The following POMT1 variants were observed in gnomAD, a reference collection of about 807,000 sequenced individuals.
POMT1 encodes the protein protein O-mannosyl-transferase 1.
A neutral mutation model predicts 101.6 loss-of-function variants in POMT1; 85 were observed. The observed-to-expected ratio is 0.84, with a 90% CI of 0.70 to 1.00. POMT1 has a LOEUF of 1.00. Ranked by LOEUF, POMT1 falls within the 50% of genes least tolerant of loss-of-function variation. The pLI, the probability that POMT1 is intolerant of heterozygous loss-of-function variation, is 0.00. For missense variants in POMT1, 857 were observed against 930.4 expected (o/e 0.92, Z 1.03); for synonymous variants, 371 against 383.0 (o/e 0.97, Z 0.37).
Position 131,519,365 on chromosome 9 carries a change from TTA to T in POMT1, c.1487-22_1487-21del. ...CTTGACCTTGTGCTACTTCTATCTGTTATGCCCTTGTCTGTTCTGCCAGGCCA... is the reference window on the plus strand; with the variant it reads ...CTTGACCTTGTGCTACTTCTATCTGTTGCCCTTGTCTGTTCTGCCAGGCCA... On this transcript the variant is annotated intron_variant, in intron 15 of 19. Transcript: ENST00000402686. The surrounding 1 kb of genome is among the most constrained non-coding windows in gnomAD (Gnocchi z 4.3). 6.5e-7 allele frequency: 1 copy of T among 1,549,418 alleles called. No homozygotes were observed. The highest frequency in any genetic ancestry group is 2.4e-5 in the East Asian group (1 of 40,932).
intron 8 of POMT1, 46 bp from the exon 9 acceptor site, chr9:131,510,214 G>A (rs777476782): frequency 8.1e-6 from 13 of 1,613,486 alleles, no homozygotes; most frequent in South Asian, 7.7e-5. Context: ...AGGTGGGTAC[G>A]CTTTTCCACG....
In POMT1 at chr9:131,507,512, T is replaced by C. The variant is rs746950128; in HGVS notation, c.425T>C (p.Ile142Thr). 209 of 1,614,004 alleles carry C rather than the reference T, an allele frequency of 1.3e-4. No homozygotes were observed. The highest frequency in any genetic ancestry group is 1.7e-4 in the Non-Finnish European group (205 of 1,180,032). ...AAMGAALLML[I>T]ENALITQSRL... ...ATGGGAGCTGCTCTGTTGATGCTTA[T>C]CGGTAAGACCTGCGCCCCTGCCTGC... is the stretch of plus-strand genomic sequence containing the variant. The change falls in exon 5 of 20, where the codon ATC becomes ACC. Residue 142 changes from isoleucine (I) to threonine (T), a missense_variant and splice_region_variant. Coordinates refer to ENST00000402686, the MANE Select transcript of POMT1 (RefSeq NM_001077365.2).
intron 11 of POMT1, 41 bp downstream of exon 11, chr9:131,512,177 C>T: frequency 1.2e-6 from 2 of 1,606,582 alleles, no homozygotes; most frequent in Middle Eastern, 1.7e-4. Context: ...AGCTCACCTC[C>T]TGGCCTGGCC....
Position 131,523,787 on chromosome 9 carries a change from G to A in POMT1, c.*681G>A, listed in dbSNP as rs913615325. The A allele has an allele frequency of 6.5e-6, 1 of 153,088 alleles. No individual in the cohort carries two copies. Among genetic ancestry groups the A allele is most frequent in the Non-Finnish European group, 1.5e-5 (1 of 68,702 alleles). 9.5% of individuals were successfully genotyped at this position (153,088 alleles called of 1,614,324 possible). A position where few individuals can be genotyped will look rare whatever the true frequency, so the allele number is the denominator to read the frequency against. On this transcript the variant is annotated 3_prime_UTR_variant, in exon 20 of 20. Transcript: ENST00000402686. The stretch of plus-strand genomic sequence containing the variant: ...GTCTTTTTTAAATGTAATTAAAAAA[G>A]GAACCAACTGGCGTTTGTAGTTGGT...
At position 131,521,471 on chromosome 9, in the gene POMT1, G is replaced by A. The variant is rs1429391411; in HGVS notation, c.1824G>A (p.Gln608=). 4 of 1,613,768 alleles carry A rather than the reference G, an allele frequency of 2.5e-6. No homozygotes were observed. The Admixed American group carries it at 6.7e-5, about 27-fold the overall frequency. The change falls in exon 18 of 20, where the codon CAG becomes CAA. Residue 608 remains glutamine (Q), a splice_region_variant and synonymous_variant. Coordinates refer to ENST00000402686, the MANE Select transcript of POMT1 (RefSeq NM_001077365.2). ...RRRRNVHDLP[Q]DAWLRWVLAG... ...GAAGAAATGTCCATGACCTCCCTCA[G>A]GGTTAGTACCTCTCCCACATGGCTT... is the stretch of plus-strand genomic sequence containing the variant.
intron 13 of POMT1, among the ~76,000 whole-genome samples, chr9:131,516,168 A>C: frequency 1.7e-5 from 2 of 120,126 alleles, no homozygotes; most frequent in Admixed American, 1.6e-4. Flanking sequence ...TCTCACACTC[A>C]CACGGAGCAC....
intron 5 of POMT1, among the ~76,000 whole-genome samples, chr9:131,508,470 G>C (rs1181256361): frequency 6.6e-6 from 1 of 152,190 alleles, no homozygotes; most frequent in Non-Finnish European, 1.5e-5. Flanking sequence ...GGCGGAGGTT[G>C]CAGTGAGCCG....
intron 13 of POMT1, 83 bp from the exon 14 acceptor site, chr9:131,518,362 C>A: frequency 8.8e-7 from 1 of 1,136,608 alleles, no homozygotes; most frequent in Non-Finnish European, 1.3e-6. Flanking sequence ...AAGTCAGTAT[C>A]ATTGTTTGGT....
At chr9:131,517,811 A>T (rs570806596) in intron 13 of POMT1, among the ~76,000 whole-genome samples, 23 of 152,344 alleles carry the variant, frequency 1.5e-4, no homozygotes, top group Middle Eastern at 3.4e-3. Context: ...AGGAGGGAGC[A>T]TGCGTGAGGT....
In POMT1 at chr9:131,510,314, G is replaced by C. The variant is rs1946836998; in HGVS notation, c.754G>C (p.Val252Leu). 6.2e-6 allele frequency: 10 copies of C among 1,614,198 alleles called. No homozygotes were observed. Among genetic ancestry groups the C allele is most frequent in the Non-Finnish European group, 8.5e-6 (10 of 1,180,040 alleles). ...ARAVALLVIP[V>L]VLYLLFFYVH... ...AGCAGTGGCTTTGCTGGTCATCCCG[G>C]TCGTCCTGTACTTACTGTTCTTCTA... Residue 252 changes from valine to leucine, a missense_variant, in exon 9 of 20, where the codon GTC (valine) becomes CTC (leucine). Transcript: ENST00000402686.
In POMT1 at chr9:131,523,264, C is replaced by A; in HGVS notation, c.*158C>A. 1 of 842,426 alleles carries A rather than the reference C, an allele frequency of 1.2e-6. No individual in the cohort carries two copies. Among genetic ancestry groups the A allele is most frequent in the Non-Finnish European group, 1.9e-6 (1 of 533,358 alleles). 52.2% of individuals were successfully genotyped at this position (842,426 alleles called of 1,614,324 possible). ...AACACATGGGGGTCTCATTGAAAAG[C>A]TCTCTGATGAGCACCTCCTTTTGTG... On this transcript the variant is annotated 3_prime_UTR_variant, in exon 20 of 20. Coordinates refer to ENST00000402686, the MANE Select transcript of POMT1 (RefSeq NM_001077365.2).
intron 9 of POMT1, 154 bp downstream of exon 9, chr9:131,510,569 T>C (rs1946901694): frequency 9.4e-7 from 1 of 1,061,008 alleles, no homozygotes; most frequent in Non-Finnish European, 1.4e-6. Context: ...GGATGGAGTC[T>C]TACTCTGTCA....
In POMT1 at chr9:131,504,329, G is replaced by C. The variant is rs761641734; in HGVS notation, c.111G>C (p.Pro37=). ...GCCGGCTGTGGCGACTCACCTACCC[G>C]CGGGCTGTGGTGTAAGCTAAATGAC... ...LLSRLWRLTY[P]RAVVFDEVYY... The change falls in exon 2 of 20, where the codon CCG becomes CCC. Residue 37 remains proline (P), a synonymous_variant. Coordinates refer to ENST00000402686, the MANE Select transcript of POMT1 (RefSeq NM_001077365.2). 29 of 1,614,096 alleles carry C rather than the reference G, an allele frequency of 1.8e-5. No homozygotes were observed. Among genetic ancestry groups the C allele is most frequent in the Non-Finnish European group, 2.3e-5 (27 of 1,180,044 alleles).
chr9:131,513,929 A>C (rs1321075139), intron 12 of POMT1, among the ~76,000 whole-genome samples: 2 of 151,872 alleles, frequency 1.3e-5, no homozygotes, highest in Non-Finnish European at 2.9e-5. Flanking sequence ...TCCCGGGGCT[A>C]CCTCTCCTGG....
rs1412194780 is a variant in POMT1, at chr9:131,522,540, C to T, written c.2003+316C>T. 10 of 538,536 alleles carry T rather than the reference C, an allele frequency of 1.9e-5. 1 individual carries two copies. Among genetic ancestry groups the T allele is most frequent in the Middle Eastern group, 5.0e-4 (1 of 2,000 alleles). 33.4% of individuals were successfully genotyped at this position (538,536 alleles called of 1,614,324 possible). ...GCCCAGGAGCCTGGGGTGTCAGAAA[C>T]GGCAGCTGGTTATGGTCGGGTTGTG... On this transcript the variant is annotated intron_variant, in intron 19 of 19. Coordinates refer to ENST00000402686, the MANE Select transcript of POMT1 (RefSeq NM_001077365.2). This position sits in a 1 kb window ranked among gnomAD's most constrained non-coding sequence, Gnocchi z 5.5.
chr9:131,523,013 C>G lies in POMT1; in HGVS notation c.2085C>G (p.Arg695=), dbSNP rs1479512587. The G allele has an allele frequency of 2.5e-6, 4 of 1,609,974 alleles. No homozygotes were observed. The African/African-American group carries it at 4.0e-5, about 16-fold the overall frequency. The part of the protein sequence containing the change: ...SSACHVSNTL[R]PLTYGDKSLS... ...CGTGCCACGTGTCCAACACGCTGCG[C>G]CCACTCACCTACGGGGACAAGTCAC... Residue 695 remains arginine, a synonymous_variant, in exon 20 of 20, where the codon CGC becomes CGG. Coordinates refer to ENST00000402686, the MANE Select transcript of POMT1 (RefSeq NM_001077365.2).
At chr9:131,515,272 G>A (rs567795388) in intron 12 of POMT1, among the ~76,000 whole-genome samples, 154 bp from the exon 13 acceptor site, 1 of 152,304 alleles carries the variant, frequency 6.6e-6, no homozygotes, top group Non-Finnish European at 1.5e-5. Flanking sequence ...CAAGACCTCC[G>A]TCCTCAGTAG....
At chr9:131,511,260 A>C in intron 9 of POMT1, 77 bp from the exon 10 acceptor site, 2 of 1,453,924 alleles carry the variant, frequency 1.4e-6, no homozygotes, top group Non-Finnish European at 1.9e-6. Context: ...CAGAGGGAGG[A>C]GTGGCCATCG....
rs942568082 is a variant in POMT1, at chr9:131,522,287, G to A, written c.2003+63G>A. The A allele has an allele frequency of 1.9e-5, 31 of 1,602,972 alleles. No individual in the cohort carries two copies. In the East Asian group the frequency reaches 2.7e-4, roughly 14 times the overall value. ...CAGCCCTCTGCTGGGAAGCCCATGC[G>A]CAGCAAACACATGGGGTGCAGCGAA... is the stretch of plus-strand genomic sequence containing the variant. On this transcript the variant is annotated intron_variant, in intron 19 of 19. Coordinates refer to ENST00000402686, the MANE Select transcript of POMT1 (RefSeq NM_001077365.2). The surrounding 1 kb of genome is among the most constrained non-coding windows in gnomAD (Gnocchi z 5.5).
Sources: gnomAD v4.1 joint callset for allele counts (sites outside exome capture counted in the v4.1 genomes callset) on GRCh38, gnomAD v4.1.1 for gene constraint, Gnocchi (gnomAD v3.1) non-coding constraint, MANE v1.5 for transcripts, NCBI Gene and HGNC (gene_info 2026-07-23, HGNC 2026-07-21) for gene names.